Variants in CTNNA2 observed in about 807,000 individuals in gnomAD.
CTNNA2 encodes the protein catenin alpha-2.
Under a neutral mutation model 101.0 loss-of-function variants are expected in CTNNA2, and 42 were observed. That is an observed-to-expected ratio of 0.42 (90% CI 0.32 to 0.54). The LOEUF (loss-of-function observed/expected upper bound fraction) is 0.54, where lower values mean the gene tolerates loss of function less well. Among genes scored for constraint, CTNNA2 ranks in the 20% least tolerant of loss-of-function variants. The pLI is 0.14. For missense variants in CTNNA2, 871 were observed against 1,223.1 expected, an observed-to-expected ratio of 0.71 and a Z score of 4.29; for synonymous variants, 450 against 456.4, an observed-to-expected ratio of 0.99 and a Z score of 0.18.
chr2:80,408,939 A>G (rs1254525702), intron 8 of CTNNA2, among the ~76,000 whole-genome samples: 1 of 152,124 alleles, frequency 6.6e-6, no homozygotes, highest in Non-Finnish European at 1.5e-5. Context: ...TCACCCTACA[A>G]ACTGCACCCT....
chr2:80,391,430 A>G (rs1677505809), intron 7 of CTNNA2, among the ~76,000 whole-genome samples: 1 of 152,190 alleles, frequency 6.6e-6, no homozygotes, highest in Non-Finnish European at 1.5e-5. Flanking sequence ...AAGTTTAGTA[A>G]TCGATCCTCC....
chr2:79,802,217 G>A (rs1429509536), intron 3 of CTNNA2, among the ~76,000 whole-genome samples: 1 of 152,036 alleles, frequency 6.6e-6, no homozygotes. Flanking sequence ...CATTATTCTT[G>A]TATCACTCCT....
At chr2:79,378,666 G>A (rs887377398) in intron 4 of CTNNA2, among the ~76,000 whole-genome samples, 3 of 152,044 alleles carry the variant, frequency 2.0e-5, no homozygotes, top group Non-Finnish European at 2.9e-5. Context: ...TCCAAAAGCT[G>A]AACTTTTACT....
At chr2:80,334,783 G>A (rs1202283001) in intron 7 of CTNNA2, among the ~76,000 whole-genome samples, 1 of 152,146 alleles carries the variant, frequency 6.6e-6, no homozygotes, top group Non-Finnish European at 1.5e-5. Context: ...AATTGTTTAT[G>A]TGTCCAACTA....
intron 1 of CTNNA2, among the ~76,000 whole-genome samples, chr2:79,569,533 T>C (rs1675333048): frequency 6.6e-6 from 1 of 152,202 alleles, no homozygotes. Context: ...TTGTATTCTT[T>C]GCTGCTTTAC....
At chr2:80,065,728 A>G (rs1439405486) in intron 7 of CTNNA2, among the ~76,000 whole-genome samples, 1 of 152,168 alleles carries the variant, frequency 6.6e-6, no homozygotes, top group Non-Finnish European at 1.5e-5. Flanking sequence ...GTGTTGTTGT[A>G]GATTTAAATA....
chr2:80,112,990 G>A (rs1167736873), intron 7 of CTNNA2, among the ~76,000 whole-genome samples: 4 of 152,148 alleles, frequency 2.6e-5, no homozygotes, highest in Non-Finnish European at 5.9e-5. Context: ...AGGCTGGCTG[G>A]TGCAATGATT....
intron 7 of CTNNA2, among the ~76,000 whole-genome samples, chr2:80,008,518 CTT>C (rs1693540709): frequency 2.6e-5 from 4 of 152,178 alleles, no homozygotes; most frequent in Non-Finnish European, 5.9e-5. Flanking sequence ...TCTTCTTCTT[CTT>C]AACTCTCCGT....
At position 80,162,925 on chromosome 2, in the gene CTNNA2, T is replaced by C. The variant is rs376856139; in HGVS notation, c.1057-230286T>C. ...CTGCTAGGAGTTGTGGAGGTAGGGC[T>C]TGAATTTCCAACATGATATTGGGGA... On this transcript the variant is annotated intron_variant, in intron 7 of 18. Transcript: ENST00000402739. The C allele has an allele frequency of 7.0e-4, 1,092 of 1,551,226 alleles. 10 individuals are homozygous for C. The South Asian group carries it at 0.012, about 16-fold the overall frequency.
rs541661114 is a variant in CTNNA2 at position 79,494,303 on chromosome 2, G to A, written c.-134-10751G>A. ...TTTTTTTTTTTTTTCAGAAATTGACGAACCAATCCTAAAATTTATGTGGAA... is the reference window on the plus strand; with the variant it reads ...TTTTTTTTTTTTTTCAGAAATTGACAAACCAATCCTAAAATTTATGTGGAA... On this transcript the variant is annotated intron_variant, in intron 4 of 21. Coordinates refer to the CTNNA2 transcript ENST00000466387. Among the ~76,000 whole-genome samples the A allele has an allele frequency of 2.1e-4, 31 of 146,566 alleles. No homozygotes were observed. The South Asian group carries it at 6.2e-3, about 29-fold the overall frequency.
intron 7 of CTNNA2, among the ~76,000 whole-genome samples, chr2:80,049,195 A>G (rs904685120): frequency 3.9e-5 from 6 of 152,132 alleles, no homozygotes; most frequent in Admixed American, 1.3e-4. Context: ...ATTTTTGGCC[A>G]GTTTATGTGT....
chr2:80,155,251 C>T (rs781478846), intron 7 of CTNNA2, among the ~76,000 whole-genome samples: 13 of 152,182 alleles, frequency 8.5e-5, no homozygotes, highest in Non-Finnish European at 1.9e-4. Context: ...TTGAGGACTG[C>T]TGAAGTAAAA....
intron 3 of CTNNA2, among the ~76,000 whole-genome samples, chr2:79,372,182 C>T (rs2104455553): frequency 6.6e-6 from 1 of 152,222 alleles, no homozygotes. Flanking sequence ...TGACTGATGG[C>T]ATCTGGTGGC....
chr2:79,677,711 C>G (rs138460205), intron 2 of CTNNA2, among the ~76,000 whole-genome samples: 103 of 152,274 alleles, frequency 6.8e-4, no homozygotes, highest in African/African-American at 2.0e-3. Context: ...CCTTCCACCC[C>G]CTATAGGCCT....
At chr2:79,456,238 G>T (rs1303724128) in intron 4 of CTNNA2, among the ~76,000 whole-genome samples, 1 of 151,370 alleles carries the variant, frequency 6.6e-6, no homozygotes, top group African/African-American at 2.4e-5. Context: ...TGACAAGTTA[G>T]ACCTAGAAAT....
chr2:79,379,147 A>G (rs1678012166), intron 4 of CTNNA2, among the ~76,000 whole-genome samples: 2 of 152,180 alleles, frequency 1.3e-5, no homozygotes, highest in South Asian at 4.1e-4. Context: ...AACCTCAGAA[A>G]TTTTCTACAT....
chr2:79,619,746 T>C (rs1678872239), intron 1 of CTNNA2, among the ~76,000 whole-genome samples: 1 of 152,172 alleles, frequency 6.6e-6, no homozygotes, highest in Non-Finnish European at 1.5e-5. Flanking sequence ...CATCTCATAA[T>C]CTCACTGACT....
At chr2:79,558,907 ATGCTG>A (rs887390047) in intron 1 of CTNNA2, among the ~76,000 whole-genome samples, 3 of 151,764 alleles carry the variant, frequency 2.0e-5, no homozygotes, top group Non-Finnish European at 4.4e-5. Context: ...TATTGAATAA[ATGCTG>A]GTACTCTCTG....
chr2:80,563,931 G>A (rs1693829745), intron 12 of CTNNA2, among the ~76,000 whole-genome samples: 1 of 151,966 alleles, frequency 6.6e-6, no homozygotes, highest in African/African-American at 2.4e-5. Context: ...AGTACCTGAG[G>A]CATGTGTGTA....
Sources: gnomAD v4.1 joint callset for allele counts (sites outside exome capture counted in the v4.1 genomes callset) on GRCh38, gnomAD v4.1.1 for gene constraint, MANE v1.5 for transcripts, NCBI Gene and HGNC (gene_info 2026-07-23, HGNC 2026-07-21) for gene names.